AGAP3: variants seen among roughly 807,000 people sequenced by gnomAD.
AGAP3 encodes the protein arf-GAP with GTPase, ANK repeat and PH domain-containing protein 3.
A neutral mutation model predicts 96.9 loss-of-function variants in AGAP3; 24 were observed. The ratio of observed to expected loss-of-function variants is 0.25; its 90% CI spans 0.18 to 0.35. AGAP3 has a LOEUF of 0.35. Ranked by LOEUF, AGAP3 falls within the 10% of genes least tolerant of loss-of-function variation. AGAP3 has a pLI of 1.00. For missense variants in AGAP3, 876 were observed against 1,254.2 expected (o/e 0.70, Z 4.55); for synonymous variants, 563 against 536.1 (o/e 1.05, Z -0.69).
chr7:151,121,595 T>C (rs1585083902), intron 8 of AGAP3, among the ~76,000 whole-genome samples: 1 of 151,864 alleles, frequency 6.6e-6, no homozygotes, highest in African/African-American at 2.4e-5. Flanking sequence ...GTCCCCGGCC[T>C]CCTCCCTTGC....
chr7:151,143,603 C>A lies in AGAP3; in HGVS notation c.2529+7C>A. The A allele has an allele frequency of 6.3e-7, 1 of 1,598,682 alleles. No homozygotes were observed. Among genetic ancestry groups the A allele is most frequent in the South Asian group, 1.1e-5 (1 of 88,466 alleles). ...CACGCAGCTGCTCATCTGGGTGAGT[C>A]ACGTGCCTCTAGCCTGCCCTGACCT... On this transcript the variant is annotated splice_region_variant and intron_variant, in intron 17 of 17. Coordinates refer to ENST00000397238, the MANE Select transcript of AGAP3 (RefSeq NM_031946.7). This position sits in a 1 kb window ranked among gnomAD's most constrained non-coding sequence, Gnocchi z 5.9.
intron 10 of AGAP3, among the ~76,000 whole-genome samples, chr7:151,131,619 C>A (rs769236219): frequency 1.3e-5 from 2 of 152,214 alleles, no homozygotes; most frequent in African/African-American, 4.8e-5. Flanking sequence ...CAGGGTTGCC[C>A]GGGCACGAGG....
At chr7:151,129,181 G>C (rs906966409) in intron 10 of AGAP3, among the ~76,000 whole-genome samples, 2 of 152,072 alleles carry the variant, frequency 1.3e-5, no homozygotes. Context: ...GTGGTGACTG[G>C]AGTGGCCCCT....
At chr7:151,123,305 C>G in intron 8 of AGAP3, 1 of 1,040,710 alleles carries the variant, frequency 9.6e-7, no homozygotes, top group South Asian at 3.5e-5. Flanking sequence ...TGCAGGGCCT[C>G]TTCTGGCCTC....
intron 7 of AGAP3, chr7:151,119,178 G>A (rs1373554746): frequency 4.6e-5 from 8 of 175,640 alleles, no homozygotes; most frequent in Non-Finnish European, 3.7e-5. Context: ...TGGGGCTTGC[G>A]CAGCTCACTT....
intron 1 of AGAP3, among the ~76,000 whole-genome samples, chr7:151,094,474 C>A (rs1193361310): frequency 1.9e-4 from 28 of 145,510 alleles, no homozygotes; most frequent in Non-Finnish European, 2.8e-4. Context: ...TCATCTGATA[C>A]GTAAGAAAAA....
intron 1 of AGAP3, among the ~76,000 whole-genome samples, chr7:151,100,754 A>G (rs1351765511): frequency 6.6e-6 from 1 of 152,236 alleles, no homozygotes; most frequent in African/African-American, 2.4e-5. Context: ...AGGTGCGAGG[A>G]TCGCCTGAGC....
chr7:151,143,890 G>A lies in AGAP3; in HGVS notation c.2683G>A (p.Ala895Thr). The stretch of plus-strand genomic sequence containing the variant: ...AGCGCCTACCCCCAACAGAGAGCCT[G>A]CCAATGGCACCAACCCCTCTGCTGA... ...GLAPTPNREP[A>T]NGTNPSAELH... Residue 895 changes from alanine (A) to threonine (T), a missense_variant, in exon 18 of 18, where the codon GCC becomes ACC. Ala to Thr is a moderately conservative substitution (Grantham distance 58, BLOSUM62 0). This residue lies in a region of AGAP3 where 213 missense variants were observed against 253.8 expected (regional missense o/e 0.84). Transcript: ENST00000397238. This position sits in a 1 kb window ranked among gnomAD's most constrained non-coding sequence, Gnocchi z 5.9. 7 of 1,614,054 alleles carry A rather than the reference G, an allele frequency of 4.3e-6. No individual in the cohort carries two copies. The highest frequency in any genetic ancestry group is 1.1e-5 in the South Asian group (1 of 91,086).
At chr7:151,110,042 G>A (rs967338899) in intron 1 of AGAP3, among the ~76,000 whole-genome samples, 1 of 152,218 alleles carries the variant, frequency 6.6e-6, no homozygotes, top group African/African-American at 2.4e-5. Context: ...GGTGCCAGAG[G>A]CTGAACTTGA....
chr7:151,115,064 TGCGCCCAGCCCC>T, intron 1 of AGAP3: 2 of 1,014,452 alleles, frequency 2.0e-6, no homozygotes, highest in Middle Eastern at 4.9e-4. Flanking sequence ...CCGTCTCGCC[TGCGCCCAGCCCC>T]GCGTCCAGCC....
rs1800897935 is a variant in AGAP3, at chr7:151,143,389, C to T, written c.2322C>T (p.Phe774=). 6.2e-7 allele frequency: 1 copy of T among 1,614,202 alleles called. No individual in the cohort carries two copies. Among genetic ancestry groups the T allele is most frequent in the South Asian group, 1.1e-5 (1 of 91,090 alleles). Residue 774 remains phenylalanine, a synonymous_variant, in exon 17 of 18, where the codon TTC becomes TTT. Transcript: ENST00000397238. This position sits in a 1 kb window ranked among gnomAD's most constrained non-coding sequence, Gnocchi z 5.9. ...GGGCCAAGTATGAACAGAAGCTCTTCCTGGCCCCACTGCCAAGCTCAGATG... is the reference window on the plus strand; with the variant it reads ...GGGCCAAGTATGAACAGAAGCTCTTTCTGGCCCCACTGCCAAGCTCAGATG... ...WIRAKYEQKL[F]LAPLPSSDVP...
At chr7:151,105,232 C>T (rs1798995425) in intron 1 of AGAP3, among the ~76,000 whole-genome samples, 1 of 152,176 alleles carries the variant, frequency 6.6e-6, no homozygotes, top group South Asian at 2.1e-4. Flanking sequence ...GGGGAACAGT[C>T]TTCTGTTTCT....
chr7:151,118,429 G>A lies in AGAP3; in HGVS notation c.842-76G>A. The A allele has an allele frequency of 6.3e-7, 1 of 1,599,780 alleles. No individual in the cohort carries two copies. Among genetic ancestry groups the A allele is most frequent in the South Asian group, 1.1e-5 (1 of 90,190 alleles). ...AGGCTCCCAGTGAGAGCAAGGCTGT[G>A]TGTCTGGGGGGAGGTGCTAAGCCAG... On this transcript the variant is annotated intron_variant, in intron 6 of 17. Coordinates refer to ENST00000397238, the MANE Select transcript of AGAP3 (RefSeq NM_031946.7). This position sits in a 1 kb window ranked among gnomAD's most constrained non-coding sequence, Gnocchi z 6.1.
intron 1 of AGAP3, among the ~76,000 whole-genome samples, chr7:151,091,237 G>A (rs1358741966): frequency 6.6e-6 from 1 of 152,236 alleles, no homozygotes; most frequent in Non-Finnish European, 1.5e-5. Context: ...GGGGGTCTGG[G>A]ATGGGTGCCG....
At position 151,142,158 on chromosome 7, in the gene AGAP3, G is replaced by A. The variant is rs367819361; in HGVS notation, c.1960-5G>A. ...CCTTGTCTTGTCTCTCCTGCTGTGC[G>A]ACAGACTCGACTGGGGAACCAGAAC... On this transcript the variant is annotated splice_region_variant and splice_polypyrimidine_tract_variant and intron_variant, in intron 14 of 17. Transcript: ENST00000397238. The surrounding 1 kb of genome is among the most constrained non-coding windows in gnomAD (Gnocchi z 7.5). 8 of 1,613,688 alleles carry A rather than the reference G, an allele frequency of 5.0e-6. 1 individual carries two copies. The highest frequency in any genetic ancestry group is 3.3e-4 in the Middle Eastern group (2 of 6,060).
Position 151,143,289 on chromosome 7 carries a change from C to T in AGAP3, c.2274-52C>T, listed in dbSNP as rs1030103710. On this transcript the variant is annotated intron_variant, in intron 16 of 17. Coordinates refer to ENST00000397238, the MANE Select transcript of AGAP3 (RefSeq NM_031946.7). This position sits in a 1 kb window ranked among gnomAD's most constrained non-coding sequence, Gnocchi z 5.9. The stretch of plus-strand genomic sequence containing the variant: ...TCCTGCCCACCTTCCTGGCCCCACC[C>T]GTTGCTCGGTGACCTTCCTTGGCTC... 2.3e-5 allele frequency: 35 copies of T among 1,554,716 alleles called. No individual in the cohort carries two copies. The highest frequency in any genetic ancestry group is 6.1e-5 in the South Asian group (5 of 81,668).
At chr7:151,091,314 A>C (rs1051550323) in intron 1 of AGAP3, among the ~76,000 whole-genome samples, 4 of 152,224 alleles carry the variant, frequency 2.6e-5, no homozygotes, top group Non-Finnish European at 5.9e-5. Flanking sequence ...TGAGTGTCTC[A>C]TGGGGGCCTG....
At chr7:151,123,312 CCTCT>C (rs1800004325) in intron 8 of AGAP3, 5 of 1,031,016 alleles carry the variant, frequency 4.8e-6, no homozygotes, top group Non-Finnish European at 5.8e-6. Flanking sequence ...CCTCTTCTGG[CCTCT>C]CTCCTCTCTC....
At chr7:151,117,911 ACTCTC>A in intron 5 of AGAP3, 134 bp downstream of exon 5, 2 of 1,276,130 alleles carry the variant, frequency 1.6e-6, no homozygotes, top group Non-Finnish European at 2.1e-6. Context: ...GACCCTCAGC[ACTCTC>A]CGTGCTGCTC....
Sources: gnomAD v4.1 joint callset for allele counts (sites outside exome capture counted in the v4.1 genomes callset) on GRCh38, gnomAD v4.1.1 for gene constraint, gnomAD v4.1.1 regional missense constraint, Gnocchi (gnomAD v3.1) non-coding constraint, MANE v1.5 for transcripts, NCBI Gene and HGNC (gene_info 2026-07-23, HGNC 2026-07-21) for gene names.